AIG1: variants seen among roughly 807,000 people sequenced by gnomAD.
AIG1 encodes androgen-induced gene 1 protein.
A neutral mutation model predicts 31.4 loss-of-function variants in AIG1; 23 were observed. The observed-to-expected ratio is 0.73, with a 90% confidence interval of 0.53 to 1.04. AIG1 has a LOEUF of 1.04. Ranked by LOEUF, AIG1 falls within the 50% of genes least tolerant of loss-of-function variation. The pLI, the probability that AIG1 is intolerant of heterozygous loss-of-function variation, is 0.00. For missense variants in AIG1, 274 were observed against 295.0 expected, an observed-to-expected ratio of 0.93 and a Z score of 0.52; for synonymous variants, 100 against 110.5, an observed-to-expected ratio of 0.90 and a Z score of 0.60.
Position 143,339,748 on chromosome 6 carries a change from G to A in AIG1, c.*72G>A. ...TCCTTCCCCTCGGGCATTGGCAGTG[G>A]GGGAGAAAAGGCTTCAAAGGAACTT... On this transcript the variant is annotated 3_prime_UTR_variant, in exon 6 of 6. Transcript: ENST00000357847. 6.5e-7 allele frequency: 1 copy of A among 1,537,984 alleles called. No individual in the cohort carries two copies. Among genetic ancestry groups the A allele is most frequent in the East Asian group, 2.3e-5 (1 of 43,756 alleles).
downstream of AIG1, chr6:143,343,099 G>C: frequency 1.3e-6 from 1 of 772,830 alleles, no homozygotes; most frequent in East Asian, 2.4e-5. Flanking sequence ...GATCCTCGCA[G>C]CTGTCCGCAC....
intron 1 of AIG1, among the ~76,000 whole-genome samples, chr6:143,132,599 G>T (rs1374199697): frequency 1.3e-5 from 2 of 150,664 alleles, no homozygotes; most frequent in Admixed American, 6.6e-5. Flanking sequence ...GGATCTGTGG[G>T]TTTATAGTTT....
Position 143,100,636 on chromosome 6 carries a change from G to A in AIG1, c.142-36199G>A, listed in dbSNP as rs1255252191. ...CATTGCAAGCCTCTGTAAAGATTGC[G>A]TAAGATGCTAATGGAGAGAAGATAG... On this transcript the variant is annotated intron_variant, in intron 1 of 5. Transcript: ENST00000357847. 2.0e-5 allele frequency among the ~76,000 whole-genome samples: 3 copies of A among 151,696 alleles called. No homozygotes were observed. In the East Asian group the frequency reaches 5.8e-4, roughly 29 times the overall value.
chr6:143,090,559 C>T (rs569510356), intron 1 of AIG1, among the ~76,000 whole-genome samples: 11 of 152,238 alleles, frequency 7.2e-5, no homozygotes, highest in East Asian at 1.9e-4. Flanking sequence ...AATAAAGTGA[C>T]GCACATGAAT....
Position 143,169,738 on chromosome 6 carries a change from G to C in AIG1, c.399+4555G>C, listed in dbSNP as rs149031948. Among the ~76,000 whole-genome samples, 228 of 151,968 alleles carry C rather than the reference G, an allele frequency of 1.5e-3. 1 individual carries two copies. Among genetic ancestry groups the C allele is most frequent in the African/African-American group, 5.3e-3 (220 of 41,454 alleles). On this transcript the variant is annotated intron_variant, in intron 3 of 5. Coordinates refer to ENST00000357847, the MANE Select transcript of AIG1 (RefSeq NM_016108.4). ...TTGTCTCTTTAGTATGTTAGCTGTG[G>C]GTTTGTCATATATGGCCTTTATTGT... is the stretch of plus-strand genomic sequence containing the variant.
intron 3 of AIG1, among the ~76,000 whole-genome samples, chr6:143,222,680 A>C (rs1562502652): frequency 7.2e-6 from 1 of 139,518 alleles, no homozygotes; most frequent in Non-Finnish European, 1.5e-5. Flanking sequence ...ATTGACAGAA[A>C]AGCATTTTGT....
chr6:143,249,661 G>A (rs1794868136), intron 3 of AIG1, among the ~76,000 whole-genome samples: 1 of 152,140 alleles, frequency 6.6e-6, no homozygotes, highest in Non-Finnish European at 1.5e-5. Context: ...CACTGTTACA[G>A]ACGACCCCTC....
chr6:143,166,547 C>G (rs1056099049), intron 3 of AIG1, among the ~76,000 whole-genome samples: 3 of 152,178 alleles, frequency 2.0e-5, no homozygotes, highest in Non-Finnish European at 2.9e-5. Flanking sequence ...TTTCATATCT[C>G]TATTATGCAT....
rs1798663632 is a variant in AIG1 at position 143,299,317 on chromosome 6, G to C, written c.515+15092G>C. 1 of 152,178 alleles carries C rather than the reference G, an allele frequency of 6.6e-6. No individual in the cohort carries two copies. Among genetic ancestry groups the C allele is most frequent in the Admixed American group, 6.5e-5 (1 of 15,274 alleles). The allele number at this position is 152,178 out of a possible 1,614,324, so 9.4% of individuals were successfully genotyped here. A position where few individuals can be genotyped will look rare whatever the true frequency, so the allele number is the denominator to read the frequency against. ...ACAGTCCTTAGGAATACTCTTCCAA[G>C]TCTCAGCTAGCAGAGTCGAGAAATA... On this transcript the variant is annotated intron_variant, in intron 4 of 5. Coordinates refer to ENST00000357847, the MANE Select transcript of AIG1 (RefSeq NM_016108.4). The surrounding 1 kb of genome is among the most constrained non-coding windows in gnomAD (Gnocchi z 4.1).
chr6:143,118,430 G>T (rs930881450), intron 1 of AIG1, among the ~76,000 whole-genome samples: 47 of 149,304 alleles, frequency 3.1e-4, no homozygotes, highest in South Asian at 1.3e-3. Context: ...CTGCACTCCA[G>T]CCTGGCAACA....
intron 3 of AIG1, among the ~76,000 whole-genome samples, chr6:143,261,525 A>G (rs1372091756): frequency 6.6e-6 from 1 of 152,238 alleles, no homozygotes; most frequent in Non-Finnish European, 1.5e-5. Context: ...CTAAGCAGGC[A>G]AAAGCTTCAC....
intron 4 of AIG1, among the ~76,000 whole-genome samples, chr6:143,295,349 G>A (rs1348334386): frequency 6.6e-6 from 1 of 152,168 alleles, no homozygotes; most frequent in Non-Finnish European, 1.5e-5. Flanking sequence ...ATGTCATCAT[G>A]CTACTCCCTT....
chr6:143,074,961 T>C (rs1410479993), intron 1 of AIG1, among the ~76,000 whole-genome samples: 2 of 152,250 alleles, frequency 1.3e-5, no homozygotes, highest in African/African-American at 4.8e-5. Flanking sequence ...TGAAAACCAC[T>C]GGGCTTGTGC....
At chr6:143,101,657 A>G (rs1780291737) in intron 1 of AIG1, among the ~76,000 whole-genome samples, 1 of 151,962 alleles carries the variant, frequency 6.6e-6, no homozygotes, top group Non-Finnish European at 1.5e-5. Flanking sequence ...ACTTAGGGGG[A>G]AAGGGTAGGA....
At position 143,293,419 on chromosome 6, in the gene AIG1, A is replaced by G. The variant is rs1047606861; in HGVS notation, c.515+9194A>G. 2.6e-5 allele frequency among the ~76,000 whole-genome samples: 4 copies of G among 152,046 alleles called. No individual in the cohort carries two copies. The East Asian group carries it at 5.8e-4, about 22-fold the overall frequency. On this transcript the variant is annotated intron_variant, in intron 4 of 5. Coordinates refer to ENST00000357847, the MANE Select transcript of AIG1 (RefSeq NM_016108.4). The surrounding 1 kb of genome is among the most constrained non-coding windows in gnomAD (Gnocchi z 4.8). ...ATGTCATTGCTTTCCCATTATTCCA[A>G]TCTGCGTATTTTTACAAGCACTGTG...
intron 3 of AIG1, among the ~76,000 whole-genome samples, chr6:143,217,799 A>AC (rs752247614): frequency 2.0e-5 from 3 of 152,210 alleles, no homozygotes; most frequent in African/African-American, 4.8e-5. Context: ...GTAAGCCACC[A>AC]CACCCGACCA....
At chr6:143,242,676 TCA>T in intron 3 of AIG1, among the ~76,000 whole-genome samples, 1 of 152,314 alleles carries the variant, frequency 6.6e-6, no homozygotes, top group East Asian at 1.9e-4. Context: ...ATATGCTGAG[TCA>T]CCACATGCCC....
intron 4 of AIG1, among the ~76,000 whole-genome samples, chr6:143,307,898 G>A (rs1183642685): frequency 6.6e-6 from 1 of 152,242 alleles, no homozygotes; most frequent in African/African-American, 2.4e-5. Flanking sequence ...ACCTAAGCAA[G>A]CCTGGGCAAT....
chr6:143,260,478 A>G (rs1795692622), intron 3 of AIG1, among the ~76,000 whole-genome samples: 1 of 152,216 alleles, frequency 6.6e-6, no homozygotes, highest in Non-Finnish European at 1.5e-5. Context: ...TTTTTCATTT[A>G]TCCATGATAA....
Sources: allele counts gnomAD v4.1 joint callset (sites outside exome capture counted in the v4.1 genomes callset), GRCh38; gene constraint gnomAD v4.1.1; non-coding constraint Gnocchi (gnomAD v3.1); transcripts MANE v1.5; gene names NCBI Gene and HGNC (gene_info 2026-07-23, HGNC 2026-07-21).